The following DNAH14 variants were observed in gnomAD, a reference collection of about 807,000 sequenced individuals.
DNAH14 encodes axonemal beta dynein heavy chain 14.
In DNAH14, 478 loss-of-function variants were observed where a neutral mutation model predicts 520.9. The observed-to-expected ratio is 0.92, with a 90% CI of 0.85 to 0.99. The LOEUF (loss-of-function observed/expected upper bound fraction) is 0.99. DNAH14 is among the 50% of genes least tolerant of loss of function. The probability of loss-of-function intolerance (pLI) is 0.00; values close to 1 mark genes in which losing one functional copy is unlikely to be tolerated. For synonymous variants in DNAH14, 1,581 were observed against 1,757.2 expected (o/e 0.90, Z 2.51); for missense variants, 4,831 against 5,234.5 (o/e 0.92, Z 2.38).
intron 27 of DNAH14, among the ~76,000 whole-genome samples, chr1:225,140,500 A>G (rs1314248197): frequency 6.6e-6 from 1 of 152,166 alleles, no homozygotes; most frequent in Non-Finnish European, 1.5e-5. Flanking sequence ...TCCCCAGGTT[A>G]TTACTTAAGG....
intron 8 of DNAH14, among the ~76,000 whole-genome samples, chr1:224,978,842 T>G (rs957517270): frequency 6.6e-6 from 1 of 152,090 alleles, no homozygotes; most frequent in African/African-American, 2.4e-5. Flanking sequence ...GGACTCACTA[T>G]GTTGCCCAGG....
intron 17 of DNAH14, among the ~76,000 whole-genome samples, chr1:225,056,454 C>G (rs562991930): frequency 3.9e-5 from 6 of 152,056 alleles, no homozygotes; most frequent in Admixed American, 3.9e-4. Context: ...GAGTAGATTG[C>G]AAAAATTTTC....
intron 39 of DNAH14, 63 bp downstream of exon 39, chr1:225,204,336 G>T: frequency 2.1e-6 from 2 of 939,856 alleles, no homozygotes; most frequent in Non-Finnish European, 3.1e-6. Context: ...ACCAATATGA[G>T]CTATATTTAT....
At chr1:225,189,666 AT>A (rs1266118622) in intron 37 of DNAH14, among the ~76,000 whole-genome samples, 1 of 151,832 alleles carries the variant, frequency 6.6e-6, no homozygotes, top group Admixed American at 6.6e-5. Context: ...CAAACTGTGT[AT>A]TTGAACTATT....
chr1:225,046,519 C>G (rs765087076), intron 15 of DNAH14, among the ~76,000 whole-genome samples: 36 of 152,158 alleles, frequency 2.4e-4, no homozygotes, highest in Non-Finnish European at 4.0e-4. Flanking sequence ...TCTCAGATGA[C>G]TAATGATCTG....
intron 4 of DNAH14, among the ~76,000 whole-genome samples, chr1:224,961,525 C>T (rs1015463342): frequency 6.6e-6 from 1 of 152,060 alleles, no homozygotes; most frequent in Non-Finnish European, 1.5e-5. Context: ...GAAGCAGGCA[C>T]CTTCTTCACA....
At chr1:225,104,263 G>C (rs1373858047) in intron 23 of DNAH14, among the ~76,000 whole-genome samples, 1 of 152,166 alleles carries the variant, frequency 6.6e-6, no homozygotes, top group Non-Finnish European at 1.5e-5. Flanking sequence ...GAAGCTTTTT[G>C]ATGTGCTGCT....
intron 55 of DNAH14, among the ~76,000 whole-genome samples, chr1:225,297,925 G>C (rs1223177505): frequency 1.3e-5 from 2 of 152,198 alleles, no homozygotes; most frequent in African/African-American, 2.4e-5. Flanking sequence ...GAGTCATGAG[G>C]CAGGCCAGGG....
chr1:225,347,738 A>G (rs1006435857), intron 71 of DNAH14, among the ~76,000 whole-genome samples: 4 of 152,178 alleles, frequency 2.6e-5, no homozygotes, highest in Admixed American at 2.0e-4. Flanking sequence ...GCACGAAGCC[A>G]ATACCAAAGA....
intron 1 of DNAH14, among the ~76,000 whole-genome samples, chr1:224,949,330 G>C (rs1355374811): frequency 6.6e-6 from 1 of 151,992 alleles, no homozygotes; most frequent in Non-Finnish European, 1.5e-5. Flanking sequence ...GCGTGTGTGT[G>C]CATGTGTGTG....
intron 66 of DNAH14, among the ~76,000 whole-genome samples, chr1:225,334,280 A>G (rs4653419): frequency 0.28 from 43,173 of 151,990 alleles, 6,436 homozygotes; most frequent in African/African-American, 0.34. Context: ...CTCTACAAAA[A>G]ATAAAAAATT....
At chr1:225,111,090 G>C (rs1210853530) in intron 23 of DNAH14, among the ~76,000 whole-genome samples, 2 of 152,018 alleles carry the variant, frequency 1.3e-5, no homozygotes, top group Non-Finnish European at 2.9e-5. Context: ...TGTGCATCCT[G>C]CAACCATTGG....
intron 15 of DNAH14, among the ~76,000 whole-genome samples, chr1:225,046,459 CTG>C (rs2067972332): frequency 1.3e-5 from 2 of 152,162 alleles, no homozygotes; most frequent in East Asian, 3.9e-4. Flanking sequence ...TTTGTTCACT[CTG>C]AGATTTATCT....
intron 41 of DNAH14, among the ~76,000 whole-genome samples, chr1:225,225,783 A>T (rs2090474142): frequency 6.6e-6 from 1 of 152,184 alleles, no homozygotes. Flanking sequence ...CATGGGGAAG[A>T]GGATATGCTG....
intron 43 of DNAH14, 123 bp from the exon 44 acceptor site, chr1:225,252,178 C>T: frequency 1.5e-6 from 1 of 683,408 alleles, no homozygotes; most frequent in South Asian, 1.7e-5. Flanking sequence ...TTGGATATAC[C>T]CTTGGTGAAT....
chr1:225,319,258 A>G (rs1270962229), intron 61 of DNAH14, among the ~76,000 whole-genome samples: 1 of 152,198 alleles, frequency 6.6e-6, no homozygotes, highest in Non-Finnish European at 1.5e-5. Context: ...AAGAGAATAC[A>G]TAAGAAAATA....
rs1283020243 is a variant in DNAH14 at position 225,038,839 on chromosome 1, A to T, written c.1488+16A>T. 6.8e-7 allele frequency: 1 copy of T among 1,460,420 alleles called. No homozygotes were observed. The highest frequency in any genetic ancestry group is 9.1e-7 in the Non-Finnish European group (1 of 1,103,988). The allele number at this position is 1,460,420 out of a possible 1,614,324, so 90.5% of individuals were successfully genotyped here. A position where few individuals can be genotyped will look rare whatever the true frequency, so the allele number is the denominator to read the frequency against. ...TATTAATGAGGTAAAATGATCTTTG[A>T]AAAATATAAACATAGATTTTTTGCT... On this transcript the variant is annotated intron_variant, in intron 12 of 85. Coordinates refer to ENST00000682510, the MANE Select transcript of DNAH14 (RefSeq NM_001367479.1).
At chr1:224,990,664 A>G (rs1249418416) in intron 8 of DNAH14, among the ~76,000 whole-genome samples, 2 of 152,200 alleles carry the variant, frequency 1.3e-5, no homozygotes, top group African/African-American at 2.4e-5. Flanking sequence ...TCCATTGCAT[A>G]TAGATACCAC....
rs559709058 is a variant in DNAH14 at position 225,261,273 on chromosome 1, T to C, written c.7157+2020T>C. 6.6e-5 allele frequency among the ~76,000 whole-genome samples: 10 copies of C among 152,322 alleles called. No individual in the cohort carries two copies. The East Asian group carries it at 1.7e-3, about 26-fold the overall frequency. On this transcript the variant is annotated intron_variant, in intron 46 of 85. Transcript: ENST00000682510. ...CCACTGAGTATGATGTTAGCTGTGA[T>C]GTATCAGACTTGGCCCTTTATTGTG...
Sources: gnomAD v4.1 joint callset for allele counts (sites outside exome capture counted in the v4.1 genomes callset) on GRCh38, gnomAD v4.1.1 for gene constraint, MANE v1.5 for transcripts, NCBI Gene and HGNC (gene_info 2026-07-23, HGNC 2026-07-21) for gene names.